The following ADARB1 variants were observed in gnomAD, a reference collection of about 807,000 sequenced individuals.
ADARB1 encodes double-stranded RNA-specific editase 1.
Under a neutral mutation model 52.4 loss-of-function variants are expected in ADARB1, and 10 were observed. The observed-to-expected ratio is 0.19, with a 90% confidence interval of 0.12 to 0.32. The LOEUF (loss-of-function observed/expected upper bound fraction) is 0.32. Among genes scored for constraint, ADARB1 ranks in the 10% least tolerant of loss-of-function variants. ADARB1 has a pLI of 1.00. For synonymous variants in ADARB1, 349 were observed against 371.1 expected (o/e 0.94, Z 0.68); for missense variants, 643 against 922.3 (o/e 0.70, Z 3.92).
At chr21:45,195,607 CTT>C (rs777342557) in intron 8 of ADARB1, among the ~76,000 whole-genome samples, 1 of 140,956 alleles carries the variant, frequency 7.1e-6, no homozygotes, top group Admixed American at 7.1e-5. Context: ...TGCCTAGATT[CTT>C]TTTTTTTTTT....
intron 2 of ADARB1, among the ~76,000 whole-genome samples, chr21:45,168,856 T>A (rs2146096768): frequency 6.6e-6 from 1 of 152,356 alleles, no homozygotes; most frequent in Admixed American, 6.5e-5. Context: ...TGATATCTTC[T>A]GTTTCTCGAT....
At position 45,111,269 on chromosome 21, in the gene ADARB1, C is replaced by T. The variant is rs561346322; in HGVS notation, c.-219-17133C>T. Among the ~76,000 whole-genome samples, 130 of 152,274 alleles carry T rather than the reference C, an allele frequency of 8.5e-4. 1 individual carries two copies. The highest frequency in any genetic ancestry group is 2.9e-3 in the African/African-American group (120 of 41,554). ...GTATCCTGCAACCTGTTTGTTTGGG[C>T]GTGCCTGTTTGTTTGTTTTTAACGT... On this transcript the variant is annotated intron_variant, in intron 1 of 10. Transcript: ENST00000348831.
At chr21:45,186,157 G>A (rs574604531) in intron 8 of ADARB1, among the ~76,000 whole-genome samples, 4 of 152,188 alleles carry the variant, frequency 2.6e-5, no homozygotes, top group Admixed American at 1.3e-4. Flanking sequence ...GAATTATTTG[G>A]AGTATTTGTT....
intron 1 of ADARB1, among the ~76,000 whole-genome samples, chr21:45,110,066 C>T (rs900137826): frequency 1.3e-5 from 2 of 152,176 alleles, no homozygotes; most frequent in Non-Finnish European, 2.9e-5. Flanking sequence ...ACATTCTGCT[C>T]TATTAGCTGG....
intron 1 of ADARB1, among the ~76,000 whole-genome samples, chr21:45,096,632 C>G (rs868707801): frequency 3.9e-5 from 6 of 152,220 alleles, no homozygotes; most frequent in Non-Finnish European, 7.3e-5. Context: ...CCTCCCTGGT[C>G]GTTCCTAGGG....
At chr21:45,094,609 C>T (rs1164138627) in intron 1 of ADARB1, among the ~76,000 whole-genome samples, 5 of 152,118 alleles carry the variant, frequency 3.3e-5, no homozygotes, top group East Asian at 3.9e-4. Flanking sequence ...AAGGTTTCTA[C>T]GGCCCTGCAC....
At chr21:45,165,068 C>A (rs1190243495) in intron 2 of ADARB1, among the ~76,000 whole-genome samples, 1 of 152,174 alleles carries the variant, frequency 6.6e-6, no homozygotes, top group Non-Finnish European at 1.5e-5. Flanking sequence ...AGCGCCCAGG[C>A]CTCACCAGGC....
At chr21:45,111,074 A>G (rs1266251489) in intron 1 of ADARB1, among the ~76,000 whole-genome samples, 3 of 152,164 alleles carry the variant, frequency 2.0e-5, no homozygotes, top group Non-Finnish European at 2.9e-5. Context: ...AGGAAAGCGC[A>G]CAAGAGGAAG....
intron 1 of ADARB1, among the ~76,000 whole-genome samples, chr21:45,111,605 A>G (rs540429885): frequency 2.0e-5 from 3 of 152,286 alleles, no homozygotes; most frequent in South Asian, 4.1e-4. Flanking sequence ...TCCTATGCTT[A>G]GCCTATTTTT....
chr21:45,203,750 T>C (rs1330046138), intron 8 of ADARB1, among the ~76,000 whole-genome samples: 1 of 152,194 alleles, frequency 6.6e-6, no homozygotes, highest in Non-Finnish European at 1.5e-5. Context: ...GAACAGGAAA[T>C]AAGCAGTTTA....
At position 45,223,819 on chromosome 21, in the gene ADARB1, C is replaced by G; in HGVS notation, c.*1622C>G. The G allele has an allele frequency of 1.0e-6, 1 of 985,384 alleles. No individual in the cohort carries two copies. The highest frequency in any genetic ancestry group is 1.2e-6 in the Non-Finnish European group (1 of 829,956). 61.0% of individuals were successfully genotyped at this position (985,384 alleles called of 1,614,324 possible). The stretch of plus-strand genomic sequence containing the variant: ...GTCAGGAGCCCCATCCACGTGTGTC[C>G]ACACAGATCTCGTCGCAGCACGGCA... On this transcript the variant is annotated 3_prime_UTR_variant, in exon 11 of 11. Transcript: ENST00000348831.
intron 8 of ADARB1, among the ~76,000 whole-genome samples, chr21:45,202,551 G>T (rs1004505437): frequency 1.3e-5 from 2 of 151,942 alleles, no homozygotes; most frequent in African/African-American, 4.8e-5. Context: ...GAGTGACAGA[G>T]GGGGGATATA....
chr21:45,129,850 C>G (rs1282831717), intron 2 of ADARB1, among the ~76,000 whole-genome samples: 2 of 152,186 alleles, frequency 1.3e-5, no homozygotes, highest in Non-Finnish European at 2.9e-5. Flanking sequence ...TTTGTGCCAG[C>G]AAAGGTCCTG....
At chr21:45,212,856 A>G (rs1042964646) in intron 9 of ADARB1, among the ~76,000 whole-genome samples, 12 of 152,222 alleles carry the variant, frequency 7.9e-5, no homozygotes, top group African/African-American at 2.9e-4. Context: ...TGAAAGAAAC[A>G]ATTTAGAAAA....
At chr21:45,090,801 G>T in intron 1 of ADARB1, among the ~76,000 whole-genome samples, 1 of 152,196 alleles carries the variant, frequency 6.6e-6, no homozygotes, top group Non-Finnish European at 1.5e-5. Context: ...CGTCATCCTT[G>T]TTTTCTCTTC....
chr21:45,129,903 G>A (rs528409231), intron 2 of ADARB1, among the ~76,000 whole-genome samples: 72 of 152,314 alleles, frequency 4.7e-4, no homozygotes, highest in Non-Finnish European at 8.8e-4. Context: ...TCAGGTAACT[G>A]GTTCCCTAGC....
chr21:45,189,017 C>G (rs377347548), intron 8 of ADARB1, among the ~76,000 whole-genome samples: 2 of 152,148 alleles, frequency 1.3e-5, no homozygotes, highest in African/African-American at 4.8e-5. Flanking sequence ...TTTATAAAAT[C>G]ATCACATCTC....
chr21:45,190,715 CCT>C (rs1368488836), intron 8 of ADARB1, among the ~76,000 whole-genome samples: 1 of 152,218 alleles, frequency 6.6e-6, no homozygotes, highest in Non-Finnish European at 1.5e-5. Flanking sequence ...GTGCTGCTTG[CCT>C]CTGTTTTTAG....
Position 45,180,308 on chromosome 21 carries a change from T to TG in ADARB1, c.964-21dup, listed in dbSNP as rs1452643385. On this transcript the variant is annotated intron_variant, in intron 4 of 10. Coordinates refer to ENST00000348831, the MANE Select transcript of ADARB1 (RefSeq NM_001112.4). ...TCCCAGCTGCATCTGGCCCCTAACC[T>TG]GCATCTGTGCTTCCCACACAGGTTT... The TG allele has an allele frequency of 2.0e-5, 31 of 1,582,716 alleles. No individual in the cohort carries two copies. The Admixed American group carries it at 5.2e-4, about 26-fold the overall frequency.
Sources: allele counts gnomAD v4.1 joint callset (sites outside exome capture counted in the v4.1 genomes callset), GRCh38; gene constraint gnomAD v4.1.1; transcripts MANE v1.5; gene names NCBI Gene and HGNC (gene_info 2026-07-23, HGNC 2026-07-21).